Variants in STRN3 observed in about 807,000 individuals in gnomAD.
The protein encoded by STRN3 is striatin-3.
In STRN3, 29 loss-of-function variants were observed where a neutral mutation model predicts 95.6. That is an observed-to-expected ratio of 0.30 (90% confidence interval 0.23 to 0.41). The LOEUF (loss-of-function observed/expected upper bound fraction) is 0.41. Ranked by LOEUF, STRN3 falls within the 10% of genes least tolerant of loss-of-function variation. The probability of loss-of-function intolerance (pLI) is 1.00; values close to 1 mark genes in which losing one functional copy is unlikely to be tolerated. For missense variants in STRN3, 890 were observed against 972.1 expected, an observed-to-expected ratio of 0.92 and a Z score of 1.12; for synonymous variants, 331 against 357.6, an observed-to-expected ratio of 0.93 and a Z score of 0.84.
At chr14:31,012,117 C>G (rs888604199) in intron 1 of STRN3, among the ~76,000 whole-genome samples, 2 of 152,210 alleles carry the variant, frequency 1.3e-5, no homozygotes, top group African/African-American at 4.8e-5. Context: ...ACAACAAATA[C>G]TATTCCAGGC....
chr14:30,913,533 A>G lies in STRN3; in HGVS notation c.1365T>C (p.Tyr455=), dbSNP rs759947711. The change falls in exon 10 of 18, where the codon TAT becomes TAC. Residue 455 remains tyrosine (Y), a synonymous_variant. Transcript: ENST00000357479. ...ATAAAACTGCACTTACATCATAACT[A>G]TAGTCTGCATCATTTGTTACCGTCA... is the stretch of plus-strand genomic sequence containing the variant. The part of the protein sequence containing the change: ...ADLTVTNDAD[Y]SYDLPANKDA... 2.2e-5 allele frequency: 36 copies of G among 1,611,442 alleles called. No individual in the cohort carries two copies. Among genetic ancestry groups the G allele is most frequent in the Non-Finnish European group, 2.9e-5 (34 of 1,178,766 alleles).
In STRN3 at chr14:30,921,720, T is replaced by C. The variant is rs572629394; in HGVS notation, c.1100-2614A>G. Among the ~76,000 whole-genome samples the C allele has an allele frequency of 9.9e-5, 15 of 152,232 alleles. No individual in the cohort carries two copies. In the South Asian group the frequency reaches 1.7e-3, roughly 17 times the overall value. On this transcript the variant is annotated intron_variant, in intron 8 of 17. Transcript: ENST00000357479. Reference sequence around the variant, plus strand: ...CTTATCAGCAATAAGAAAACTGTAGTAGTATAACAGGATACTAGACAATAT... The same window carrying C: ...CTTATCAGCAATAAGAAAACTGTAGCAGTATAACAGGATACTAGACAATAT...
chr14:31,007,181 A>T (rs1882757274), intron 1 of STRN3, among the ~76,000 whole-genome samples: 1 of 152,208 alleles, frequency 6.6e-6, no homozygotes. Flanking sequence ...ATAAAAAGAG[A>T]TTTCCGGAAG....
At chr14:30,901,148 T>C (rs1488051199) in intron 16 of STRN3, among the ~76,000 whole-genome samples, 1 of 152,126 alleles carries the variant, frequency 6.6e-6, no homozygotes, top group African/African-American at 2.4e-5. Context: ...AAGTGTTAAA[T>C]TGGGAACACT....
intron 5 of STRN3, among the ~76,000 whole-genome samples, chr14:30,939,121 T>C (rs1878968179): frequency 1.3e-5 from 2 of 152,224 alleles, no homozygotes; most frequent in Non-Finnish European, 2.9e-5. Flanking sequence ...TACACTTACA[T>C]TTCATTTGAA....
chr14:30,993,771 G>A (rs531284112), intron 1 of STRN3, among the ~76,000 whole-genome samples: 2 of 151,600 alleles, frequency 1.3e-5, no homozygotes, highest in African/African-American at 2.4e-5. Flanking sequence ...CCTCGGCCTC[G>A]CAGGTTCAAG....
intron 4 of STRN3, among the ~76,000 whole-genome samples, chr14:30,948,592 C>T (rs11623425): frequency 1 from 152,230 of 152,356 alleles, 76,052 homozygotes; most frequent in Non-Finnish European, 1. Context: ...TTTTCCAAGA[C>T]ACCAATTATA....
chr14:30,929,611 G>T (rs1180631793), intron 7 of STRN3, among the ~76,000 whole-genome samples: 1 of 151,926 alleles, frequency 6.6e-6, no homozygotes, highest in East Asian at 1.9e-4. Context: ...TATAAAAATA[G>T]ATCACTGCAT....
At chr14:30,930,966 G>A (rs922559848) in intron 7 of STRN3, among the ~76,000 whole-genome samples, 3 of 151,962 alleles carry the variant, frequency 2.0e-5, no homozygotes, top group African/African-American at 7.2e-5. Flanking sequence ...GTTTATATAG[G>A]AAATTAGATA....
chr14:30,916,120 T>C (rs1296575832), intron 9 of STRN3, among the ~76,000 whole-genome samples: 2 of 152,144 alleles, frequency 1.3e-5, no homozygotes, highest in Non-Finnish European at 2.9e-5. Context: ...CTGTGGCATA[T>C]GGTAATCACA....
intron 1 of STRN3, among the ~76,000 whole-genome samples, chr14:30,985,160 T>C (rs1881618740): frequency 6.7e-6 from 1 of 149,012 alleles, no homozygotes; most frequent in Admixed American, 6.7e-5. Flanking sequence ...CTACTAAAAA[T>C]ACAAAAAATT....
At position 30,911,028 on chromosome 14, in the gene STRN3, T is replaced by G; in HGVS notation, c.1720+13A>C. ...TTCACTTAAAAAAAATACATTTTGA[T>G]CATTTTACTTACCATATGTATCATA... On this transcript the variant is annotated intron_variant, in intron 13 of 17. Transcript: ENST00000357479. The G allele has an allele frequency of 3.1e-6, 5 of 1,608,610 alleles. No homozygotes were observed. The highest frequency in any genetic ancestry group is 4.2e-6 in the Non-Finnish European group (5 of 1,178,550).
chr14:31,024,742 T>G (rs1883705339), intron 1 of STRN3, among the ~76,000 whole-genome samples: 1 of 152,202 alleles, frequency 6.6e-6, no homozygotes, highest in African/African-American at 2.4e-5. Context: ...ACCATAGGCA[T>G]ATGACATATA....
At chr14:30,906,792 A>G (rs1472612399) in intron 14 of STRN3, 85 bp downstream of exon 14, 2 of 1,339,190 alleles carry the variant, frequency 1.5e-6, no homozygotes, top group Non-Finnish European at 1.0e-6. Context: ...TGGAACAGTA[A>G]AGAAATACAT....
Position 31,025,950 on chromosome 14 carries a change from A to C in STRN3, c.236T>G (p.Phe79Cys). 6.3e-7 allele frequency: 1 copy of C among 1,596,602 alleles called. No homozygotes were observed. Among genetic ancestry groups the C allele is most frequent in the Non-Finnish European group, 8.5e-7 (1 of 1,172,200 alleles). Residue 79 changes from phenylalanine to cysteine, a missense_variant, in exon 1 of 18, where the codon TTC becomes TGC. This residue lies in a region of STRN3 where 526 missense variants were observed against 526.3 expected (regional missense o/e 1.00). Coordinates refer to ENST00000357479, the MANE Select transcript of STRN3 (RefSeq NM_001083893.2). ...CTCCCAGTGCGCCCGCTCCATCTCG[A>C]ACCGAGCCCACTCGTGCTGGATGTA... is the stretch of plus-strand genomic sequence containing the variant. ...LHYIQHEWARFEMERAHWEVE... is the reference protein window; with the variant it reads ...LHYIQHEWARCEMERAHWEVE...
At chr14:30,961,516 C>T (rs1047797462) in intron 1 of STRN3, among the ~76,000 whole-genome samples, 3 of 152,222 alleles carry the variant, frequency 2.0e-5, no homozygotes, top group East Asian at 1.9e-4. Context: ...GCATTATTCA[C>T]GTTTGTCCTG....
intron 8 of STRN3, among the ~76,000 whole-genome samples, chr14:30,924,504 C>T (rs1896970443): frequency 1.3e-5 from 2 of 151,936 alleles, no homozygotes. Context: ...GTTGGCCAGG[C>T]TGATCTCAAA....
intron 5 of STRN3, among the ~76,000 whole-genome samples, chr14:30,939,905 T>C (rs989333893): frequency 6.6e-6 from 1 of 152,202 alleles, no homozygotes; most frequent in African/African-American, 2.4e-5. Context: ...CAGTTTACTT[T>C]TGGCTTTATT....
chr14:30,934,169 CAA>C (rs1878701355), intron 7 of STRN3, among the ~76,000 whole-genome samples: 2 of 152,094 alleles, frequency 1.3e-5, no homozygotes, highest in Admixed American at 1.3e-4. Context: ...ACTAAAAATA[CAA>C]AGAGTAGCTG....
Sources: allele counts gnomAD v4.1 joint callset (sites outside exome capture counted in the v4.1 genomes callset), GRCh38; gene constraint gnomAD v4.1.1; regional missense constraint gnomAD v4.1.1; transcripts MANE v1.5; gene names NCBI Gene and HGNC (gene_info 2026-07-23, HGNC 2026-07-21).